Variants in PPP2R5C observed in about 807,000 individuals in gnomAD.
The protein encoded by PPP2R5C is protein phosphatase 2 regulatory subunit B'gamma.
Under a neutral mutation model 68.9 loss-of-function variants are expected in PPP2R5C, and 7 were observed. The observed-to-expected ratio is 0.10, with a 90% CI of 0.06 to 0.19. The LOEUF is 0.19. PPP2R5C is among the 10% of genes least tolerant of loss of function. The pLI, the probability that PPP2R5C is intolerant of heterozygous loss-of-function variation, is 1.00. For synonymous variants in PPP2R5C, 210 were observed against 222.2 expected (o/e 0.95, Z 0.49); for missense variants, 348 against 641.3 (o/e 0.54, Z 4.94).
chr14:101,918,013 A>G, intron 13 of PPP2R5C, 66 bp downstream of exon 15: 8 of 1,606,066 alleles, frequency 5.0e-6, no homozygotes, highest in Non-Finnish European at 6.8e-6. Context: ...ACATTTTTGT[A>G]GGCGATGTGA....
At chr14:101,884,211 C>G (rs2044339601) in intron 5 of PPP2R5C, among the ~76,000 whole-genome samples, 1 of 152,238 alleles carries the variant, frequency 6.6e-6, no homozygotes, top group Admixed American at 6.5e-5. Context: ...CTCAGCCAGT[C>G]TAGCCCTTCC....
At chr14:101,761,825 C>T (rs1246547650), upstream of PPP2R5C, 70 of 883,790 alleles carry the variant, frequency 7.9e-5, no homozygotes, top group African/African-American at 2.1e-3. Flanking sequence ...ACGGCCGGGG[C>T]GGGGGCGCTG....
chr14:101,785,498 A>G (rs563277406), intron 2 of PPP2R5C, among the ~76,000 whole-genome samples: 131 of 152,200 alleles, frequency 8.6e-4, no homozygotes, highest in African/African-American at 2.9e-3. Context: ...CAACCCAGCC[A>G]TGTAGCATCT....
At chr14:101,867,504 G>A (rs577187819) in intron 2 of PPP2R5C, among the ~76,000 whole-genome samples, 11 of 152,206 alleles carry the variant, frequency 7.2e-5, no homozygotes, top group African/African-American at 2.4e-4. Context: ...GCGGCCAGGC[G>A]CGGTAGCTCA....
chr14:101,832,245 A>C (rs2040793627), intron 1 of PPP2R5C, among the ~76,000 whole-genome samples: 1 of 152,210 alleles, frequency 6.6e-6, no homozygotes, highest in South Asian at 2.1e-4. Flanking sequence ...GTACTGTGGG[A>C]TAGATAGCCC....
intron 1 of PPP2R5C, among the ~76,000 whole-genome samples, chr14:101,833,684 GA>G (rs1340503991): frequency 3.3e-5 from 5 of 152,216 alleles, no homozygotes; most frequent in African/African-American, 1.2e-4. Context: ...ATGAATTGCT[GA>G]GTCAGTTCAC....
At chr14:101,883,157 CTAA>C (rs2044264678) in intron 3 of PPP2R5C, 97 bp from the exon 6 acceptor site, 1 of 783,896 alleles carries the variant, frequency 1.3e-6, no homozygotes, top group Non-Finnish European at 2.0e-6. Flanking sequence ...CTTTGAGAGG[CTAA>C]TATTTGCATA....
chr14:101,924,454 T>TTTTTTTTTTTTTTTTTTTTTTTTTTTC (rs2047185677), intron 13 of PPP2R5C, among the ~76,000 whole-genome samples: 1 of 143,830 alleles, frequency 7.0e-6, no homozygotes, highest in Admixed American at 7.0e-5. Context: ...TCTTTTTTTT[T>TTTTTTTTTTTTTTTTTTTTTTTTTTTC]TTTGAGATGG....
intron 2 of PPP2R5C, among the ~76,000 whole-genome samples, chr14:101,776,041 C>T (rs1219019326): frequency 6.6e-6 from 1 of 150,524 alleles, no homozygotes; most frequent in Non-Finnish European, 1.5e-5. Context: ...CCACTCCACC[C>T]CCGCCTTCCT....
At chr14:101,839,798 T>C (rs961408202) in intron 1 of PPP2R5C, among the ~76,000 whole-genome samples, 11 of 152,186 alleles carry the variant, frequency 7.2e-5, no homozygotes, top group African/African-American at 2.7e-4. Context: ...GCATTACCTA[T>C]TTGTTGGCAT....
Position 101,800,113 on chromosome 14 carries a change from C to A in PPP2R5C, c.259+13930C>A, listed in dbSNP as rs981072662. Reference sequence around the variant, plus strand: ...AAAATTTAAAAATTAGCCAGGCATGCTGGTGCACACCTGTAGTCCCAGATA... The same window carrying A: ...AAAATTTAAAAATTAGCCAGGCATGATGGTGCACACCTGTAGTCCCAGATA... On this transcript the variant is annotated intron_variant, in intron 3 of 14. Coordinates refer to the PPP2R5C transcript ENST00000328724. Among the ~76,000 whole-genome samples the A allele has an allele frequency of 3.3e-5, 5 of 151,794 alleles. No individual in the cohort carries two copies. The East Asian group carries it at 9.8e-4, about 30-fold the overall frequency.
chr14:101,787,490 G>A (rs749068892), intron 3 of PPP2R5C, among the ~76,000 whole-genome samples: 43 of 152,016 alleles, frequency 2.8e-4, no homozygotes, highest in Non-Finnish European at 4.0e-4. Context: ...TCGGCCGGGC[G>A]CAGTGGCTCA....
intron 1 of PPP2R5C, 34 bp from the exon 2 acceptor site, chr14:101,762,871 A>T (rs1338318891): frequency 5.2e-6 from 8 of 1,549,542 alleles, no homozygotes; most frequent in African/African-American, 1.4e-5. Flanking sequence ...CTAAAAAGTG[A>T]GAAGACTAAT....
At chr14:101,861,034 T>C (rs757512621) in intron 2 of PPP2R5C, among the ~76,000 whole-genome samples, 9 of 152,216 alleles carry the variant, frequency 5.9e-5, no homozygotes, top group Non-Finnish European at 1.2e-4. Context: ...TCCTGTTTTT[T>C]CAATTAAATT....
At chr14:101,895,385 C>T (rs2045251351) in intron 8 of PPP2R5C, among the ~76,000 whole-genome samples, 1 of 152,138 alleles carries the variant, frequency 6.6e-6, no homozygotes, top group Admixed American at 6.5e-5. Context: ...GCGTTAATGA[C>T]ATTCATAGTG....
At position 101,781,654 on chromosome 14, in the gene PPP2R5C, G is replaced by C. The variant is rs749923184; in HGVS notation, c.94-4364G>C. The stretch of plus-strand genomic sequence containing the variant: ...TCCGGAGCCTCCGGCATGGGCCCCA[G>C]GCCGGGGTCCCGCCTTTGCCCCGGC... On this transcript the variant is annotated intron_variant, in intron 2 of 14. Transcript: ENST00000328724. This position sits in a 1 kb window ranked among gnomAD's most constrained non-coding sequence, Gnocchi z 6.4. 2.6e-5 allele frequency among the ~76,000 whole-genome samples: 4 copies of C among 152,140 alleles called. No homozygotes were observed.
intron 8 of PPP2R5C, among the ~76,000 whole-genome samples, chr14:101,901,079 G>A (rs963886853): frequency 1.1e-4 from 16 of 152,220 alleles, no homozygotes; most frequent in African/African-American, 3.9e-4. Context: ...TATGCATACA[G>A]AAGTATGTGT....
chr14:101,818,218 G>A (rs889649458), intron 1 of PPP2R5C: 7 of 152,132 alleles, frequency 4.6e-5, no homozygotes, highest in East Asian at 1.9e-4. Context: ...TTCTGTTCCC[G>A]TGCTCCAGTC....
At chr14:101,800,651 CAAA>C (rs201617260) in intron 3 of PPP2R5C, among the ~76,000 whole-genome samples, 4 of 124,432 alleles carry the variant, frequency 3.2e-5, no homozygotes, top group Admixed American at 7.9e-5. Flanking sequence ...TTAGCAATAC[CAAA>C]AAAAAAAAAA....
Sources: gnomAD v4.1 joint callset for allele counts (sites outside exome capture counted in the v4.1 genomes callset) on GRCh38, gnomAD v4.1.1 for gene constraint, Gnocchi (gnomAD v3.1) non-coding constraint, MANE v1.5 for transcripts, NCBI Gene and HGNC (gene_info 2026-07-23, HGNC 2026-07-21) for gene names.